The following SUFU variants were observed in gnomAD, a reference collection of about 807,000 sequenced individuals.
SUFU encodes SUFU negative regulator of hedgehog signaling, also known as suppressor of fused homolog.
SUFU carries 7 observed loss-of-function variants against 58.9 expected under a neutral mutation model. The ratio of observed to expected loss-of-function variants is 0.12; its 90% confidence interval spans 0.07 to 0.22. The LOEUF is 0.22. Ranked by LOEUF, SUFU falls within the 10% of genes least tolerant of loss-of-function variation. The probability of loss-of-function intolerance (pLI) is 1.00; values close to 1 mark genes in which losing one functional copy is unlikely to be tolerated. For missense variants in SUFU, 451 were observed against 641.3 expected, an observed-to-expected ratio of 0.70 and a Z score of 3.20; for synonymous variants, 232 against 254.8, an observed-to-expected ratio of 0.91 and a Z score of 0.85.
At chr10:102,525,037 C>G (rs375702901) in intron 2 of SUFU, among the ~76,000 whole-genome samples, 1 of 152,226 alleles carries the variant, frequency 6.6e-6, no homozygotes, top group African/African-American at 2.4e-5. Context: ...TCATAGGAGT[C>G]AGAACCCTTC....
At chr10:102,535,645 T>C (rs7914389) in intron 2 of SUFU, among the ~76,000 whole-genome samples, 52,821 of 151,866 alleles carry the variant, frequency 0.35, 9,321 homozygotes, top group African/African-American at 0.39. Flanking sequence ...TTTCTTCTGA[T>C]ACCATCACTG....
chr10:102,605,149 C>A (rs1446502892), intron 8 of SUFU, among the ~76,000 whole-genome samples: 1 of 151,816 alleles, frequency 6.6e-6, no homozygotes, highest in African/African-American at 2.4e-5. Flanking sequence ...GAACTCCTGA[C>A]CTTATGATCT....
chr10:102,620,177 T>C (rs1047274730), intron 10 of SUFU, among the ~76,000 whole-genome samples: 1 of 152,164 alleles, frequency 6.6e-6, no homozygotes, highest in Non-Finnish European at 1.5e-5. Flanking sequence ...TGGGATGACT[T>C]TGTTACAGCA....
intron 2 of SUFU, among the ~76,000 whole-genome samples, chr10:102,512,896 C>A (rs142566059): frequency 6.6e-6 from 1 of 151,932 alleles, no homozygotes; most frequent in Non-Finnish European, 1.5e-5. Flanking sequence ...AGACCCTCCC[C>A]CATCTCTACA....
chr10:102,590,685 A>G (rs1333794061), intron 3 of SUFU: 1 of 152,120 alleles, frequency 6.6e-6, no homozygotes, highest in Non-Finnish European at 1.5e-5. Flanking sequence ...TTCTTCTCTA[A>G]ATCTTTGGCA....
At chr10:102,622,646 A>G (rs935483184) in intron 10 of SUFU, among the ~76,000 whole-genome samples, 5 of 151,502 alleles carry the variant, frequency 3.3e-5, no homozygotes, top group Non-Finnish European at 5.9e-5. Flanking sequence ...GTCTGCTGTT[A>G]AACAGCAGAC....
chr10:102,574,632 A>G (rs2135812166), intron 3 of SUFU, among the ~76,000 whole-genome samples: 1 of 152,326 alleles, frequency 6.6e-6, no homozygotes, highest in East Asian at 1.9e-4. Flanking sequence ...AATAAAATAA[A>G]TAAAAGATAC....
chr10:102,504,417 G>T, intron 1 of SUFU, 83 bp downstream of exon 1: 1 of 1,576,922 alleles, frequency 6.3e-7, no homozygotes. Context: ...TGTGGGAGGT[G>T]GGAGGAGGGG....
intron 3 of SUFU, among the ~76,000 whole-genome samples, chr10:102,577,615 A>G (rs1234003053): frequency 2.0e-5 from 3 of 151,878 alleles, no homozygotes; most frequent in Non-Finnish European, 4.4e-5. Context: ...CTAGGATTAC[A>G]GGCGTGAGCC....
chr10:102,528,016 T>G (rs1426514854), intron 2 of SUFU, among the ~76,000 whole-genome samples: 2 of 152,182 alleles, frequency 1.3e-5, no homozygotes, highest in Non-Finnish European at 2.9e-5. Context: ...GTAAAGGTGT[T>G]GCTTTAAGCC....
chr10:102,606,831 A>G (rs546571002), intron 8 of SUFU, among the ~76,000 whole-genome samples: 1 of 152,276 alleles, frequency 6.6e-6, no homozygotes, highest in Admixed American at 6.5e-5. Flanking sequence ...AGGAAGACAT[A>G]TGGGGGTAGG....
intron 1 of SUFU, among the ~76,000 whole-genome samples, chr10:102,506,386 CT>C (rs574532660): frequency 1.2e-4 from 18 of 149,402 alleles, no homozygotes; most frequent in African/African-American, 3.4e-4. Flanking sequence ...CTGGTACTTT[CT>C]TTTTTTTTTG....
intron 10 of SUFU, among the ~76,000 whole-genome samples, chr10:102,620,189 C>T (rs1007844776): frequency 6.6e-6 from 1 of 152,222 alleles, no homozygotes; most frequent in African/African-American, 2.4e-5. Context: ...GTTACAGCAG[C>T]CTTGGAAGCC....
intron 9 of SUFU, 111 bp downstream of exon 9, chr10:102,615,513 C>G (rs2063677105): frequency 3.3e-6 from 5 of 1,518,988 alleles, no homozygotes; most frequent in African/African-American, 1.4e-5. Context: ...CCTCCAGGGC[C>G]TCCAAGGAGC....
intron 10 of SUFU, among the ~76,000 whole-genome samples, chr10:102,626,213 G>A (rs749833643): frequency 7.2e-5 from 11 of 152,132 alleles, no homozygotes; most frequent in Non-Finnish European, 1.3e-4. Flanking sequence ...CACCCAGGGC[G>A]TGGTGGGGTG....
intron 3 of SUFU, chr10:102,572,636 C>A (rs1223285738): frequency 6.1e-6 from 3 of 488,148 alleles, no homozygotes; most frequent in Non-Finnish European, 1.1e-5. Context: ...GATCCACCCT[C>A]CTTGGCCTCC....
chr10:102,510,215 A>G (rs1228447459), intron 2 of SUFU, among the ~76,000 whole-genome samples: 1 of 150,760 alleles, frequency 6.6e-6, no homozygotes, highest in East Asian at 2.0e-4. Flanking sequence ...TAAGCTACCA[A>G]CTATTTTTTT....
chr10:102,544,571 C>A (rs754193204), intron 2 of SUFU, among the ~76,000 whole-genome samples: 1 of 151,912 alleles, frequency 6.6e-6, no homozygotes, highest in Admixed American at 6.6e-5. Context: ...TGGTGGCACG[C>A]GCCTGTAGTC....
At chr10:102,613,108 G>A (rs73340608) in intron 8 of SUFU, among the ~76,000 whole-genome samples, 4,593 of 152,194 alleles carry the variant, frequency 0.03, 236 homozygotes, top group African/African-American at 0.1. Context: ...GGAAGTCTGA[G>A]GCTTCGATCA....
Sources: allele counts gnomAD v4.1 joint callset (sites outside exome capture counted in the v4.1 genomes callset), GRCh38; gene constraint gnomAD v4.1.1; transcripts MANE v1.5; gene names NCBI Gene and HGNC (gene_info 2026-07-23, HGNC 2026-07-21).